PPIP5K1: variants seen among roughly 807,000 people sequenced by gnomAD.
PPIP5K1 encodes the protein diphosphoinositol pentakisphosphate kinase 1.
A neutral mutation model predicts 27.7 loss-of-function variants in PPIP5K1; 6 were observed. The observed-to-expected ratio is 0.22, with a 90% CI of 0.12 to 0.43. The LOEUF is 0.43. Ranked by LOEUF, PPIP5K1 falls within the 20% of genes least tolerant of loss-of-function variation. PPIP5K1 has a pLI of 1.00. For missense variants in PPIP5K1, 394 were observed against 635.4 expected, an observed-to-expected ratio of 0.62 and a Z score of 4.08; for synonymous variants, 145 against 242.6, an observed-to-expected ratio of 0.60 and a Z score of 3.74.
chr15:43,552,126 A>C (rs2082287180), intron 30 of PPIP5K1, among the ~76,000 whole-genome samples: 1 of 151,720 alleles, frequency 6.6e-6, no homozygotes, highest in Non-Finnish European at 1.5e-5. Flanking sequence ...GCTAATTTTA[A>C]AGTTTTTCTG....
chr15:43,535,537 CA>C (rs2079726903), intron 31 of PPIP5K1, 61 bp from the exon 32 acceptor site: 5 of 1,320,230 alleles, frequency 3.8e-6, no homozygotes, highest in Non-Finnish European at 5.2e-6. Flanking sequence ...CTACCCTGTG[CA>C]GATAGTTCAA....
intron 30 of PPIP5K1, among the ~76,000 whole-genome samples, chr15:43,553,958 T>C (rs1474123631): frequency 6.6e-6 from 1 of 152,144 alleles, no homozygotes; most frequent in African/African-American, 2.4e-5. Flanking sequence ...TCCTTACTAA[T>C]ATTCCGACGA....
chr15:43,544,159 T>C (rs558896097), intron 30 of PPIP5K1, among the ~76,000 whole-genome samples: 2 of 152,308 alleles, frequency 1.3e-5, no homozygotes, highest in African/African-American at 4.8e-5. Flanking sequence ...CCATTCCCTA[T>C]TGTTAAATCT....
At position 43,534,591 on chromosome 15, in the gene PPIP5K1, T is replaced by C. The variant is rs1595665051; in HGVS notation, c.*83A>G. Reference sequence around the variant, plus strand: ...ATGGGCTAGAGACTGGCTCTGAGGGTTTGGATCACCAGATGGATGCTGGGC... The same window carrying C: ...ATGGGCTAGAGACTGGCTCTGAGGGCTTGGATCACCAGATGGATGCTGGGC... On this transcript the variant is annotated 3_prime_UTR_variant, in exon 32 of 32. Transcript: ENST00000420765. 7.8e-7 allele frequency: 1 copy of C among 1,277,754 alleles called. No individual in the cohort carries two copies. The highest frequency in any genetic ancestry group is 1.1e-6 in the Non-Finnish European group (1 of 933,028). The allele number at this position is 1,277,754 out of a possible 1,614,324, so 79.2% of individuals were successfully genotyped here.
Position 43,534,777 on chromosome 15 carries a change from A to T in PPIP5K1, c.4370T>A (p.Ile1457Asn). 6.3e-7 allele frequency: 1 copy of T among 1,579,004 alleles called. No homozygotes were observed. The highest frequency in any genetic ancestry group is 8.6e-7 in the Non-Finnish European group (1 of 1,164,130). ...AGGGATGCCCTGAGATAACAGATTG[A>T]TCGCAGAAGTCTCCTGGGCCAGCCT... ...VGRLAQETSA[I>N]NLLSQGIPEI... The change falls in exon 32 of 32, where the codon ATC becomes AAC. Residue 1457 changes from isoleucine to asparagine, a missense_variant. By Grantham distance (149) the Ile-to-Asn change is moderately radical (BLOSUM62 -3). Transcript: ENST00000420765.
At chr15:43,546,941 G>T (rs1339746163) in intron 30 of PPIP5K1, among the ~76,000 whole-genome samples, 6 of 152,190 alleles carry the variant, frequency 3.9e-5, no homozygotes, top group Non-Finnish European at 8.8e-5. Flanking sequence ...TTACAGGCAT[G>T]AGCCACTGTG....
chr15:43,549,539 C>T (rs1228483237), intron 30 of PPIP5K1, among the ~76,000 whole-genome samples: 1 of 151,960 alleles, frequency 6.6e-6, no homozygotes, highest in Non-Finnish European at 1.5e-5. Flanking sequence ...TGTGGTCCTA[C>T]CTACTTGGGA....
rs968481549 is a variant in PPIP5K1 at position 43,550,315 on chromosome 15, T to A, written c.3556+8480A>T. ...CATGCCTGGCTAATTTATTTATTTA[T>A]TTATTTTTTTTGTAGAGAGAGTGTC... On this transcript the variant is annotated intron_variant, in intron 30 of 31. Transcript: ENST00000420765. Among the ~76,000 whole-genome samples, 4 of 150,156 alleles carry A rather than the reference T, an allele frequency of 2.7e-5. No individual in the cohort carries two copies. The South Asian group carries it at 8.3e-4, about 31-fold the overall frequency.
chr15:43,543,717 C>A (rs2081046515), intron 30 of PPIP5K1, among the ~76,000 whole-genome samples: 1 of 151,780 alleles, frequency 6.6e-6, no homozygotes, highest in East Asian at 1.9e-4. Context: ...TTTATACTTT[C>A]ATCTAATTTA....
chr15:43,534,959 G>T lies in PPIP5K1; in HGVS notation c.4188C>A (p.Cys1396Ter). ...LENSEEVSQP[C>*]QGVSVEVGKL... ...TGCCAACCTCCACAGAGACCCCCTG[G>T]CATGGCTGGCTGACCTCCTCGGAGT... is the stretch of plus-strand genomic sequence containing the variant. Residue 1396 changes from cysteine to a stop codon, truncating the protein, a stop_gained, in exon 32 of 32, where the codon TGC becomes TGA. Coordinates refer to ENST00000420765, the MANE Select transcript of PPIP5K1 (RefSeq NM_001394395.1). LOFTEE classifies it low-confidence loss of function (END_TRUNC). 1 of 1,614,062 alleles carries T rather than the reference G, an allele frequency of 6.2e-7. No individual in the cohort carries two copies. Among genetic ancestry groups the T allele is most frequent in the Non-Finnish European group, 8.5e-7 (1 of 1,179,974 alleles).
intron 30 of PPIP5K1, among the ~76,000 whole-genome samples, chr15:43,557,811 C>T (rs2141077421): frequency 6.6e-6 from 1 of 150,394 alleles, no homozygotes; most frequent in African/African-American, 2.4e-5. Context: ...ACTACAGGCA[C>T]ACACCACCAT....
At position 43,539,540 on chromosome 15, in the gene PPIP5K1, T is replaced by C. The variant is rs146823077; in HGVS notation, c.3600A>G (p.Pro1200=). The C allele has an allele frequency of 1.3e-5, 21 of 1,609,804 alleles. No individual in the cohort carries two copies. The highest frequency in any genetic ancestry group is 6.8e-6 in the Non-Finnish European group (8 of 1,178,044). ...AATGAAGAGTACGTGGTGGAGAAAA[T>C]GGGTTATCTGAGGCCTGGCTGCTGT... ...SMHSSQASDN[P]FSPPRTLHSP... Residue 1200 remains proline, a synonymous_variant, in exon 31 of 32, where the codon CCA becomes CCG. Coordinates refer to ENST00000420765, the MANE Select transcript of PPIP5K1 (RefSeq NM_001394395.1).
At chr15:43,556,750 G>A (rs991492376) in intron 30 of PPIP5K1, among the ~76,000 whole-genome samples, 1 of 152,096 alleles carries the variant, frequency 6.6e-6, no homozygotes, top group Non-Finnish European at 1.5e-5. Context: ...GGTCTTCTCC[G>A]CTCCCTCTGG....
Position 43,547,643 on chromosome 15 carries a change from TG to T in PPIP5K1, c.3557-8061del, listed in dbSNP as rs1365665172. Reference sequence around the variant, plus strand: ...CTCCATTGAATAGTTTTGACATCCTTGTTGAAAATCAACTGGCCATAGATGT... The same window carrying T: ...CTCCATTGAATAGTTTTGACATCCTTTTGAAAATCAACTGGCCATAGATGT... On this transcript the variant is annotated intron_variant, in intron 30 of 31. Transcript: ENST00000420765. 2.0e-5 allele frequency among the ~76,000 whole-genome samples: 3 copies of T among 152,256 alleles called. No homozygotes were observed. In the East Asian group the frequency reaches 5.8e-4, roughly 29 times the overall value.
intron 30 of PPIP5K1, among the ~76,000 whole-genome samples, chr15:43,549,080 T>TATATATAC (rs1489462259): frequency 2.7e-5 from 3 of 113,178 alleles, no homozygotes; most frequent in African/African-American, 6.7e-5. Flanking sequence ...TATATATATA[T>TATATATAC]ACATATATAT....
At chr15:43,543,193 G>A (rs1224071118) in intron 30 of PPIP5K1, among the ~76,000 whole-genome samples, 1 of 141,730 alleles carries the variant, frequency 7.1e-6, no homozygotes, top group Non-Finnish European at 1.5e-5. Flanking sequence ...ACAGATATAT[G>A]ATATATCTGT....
At chr15:43,543,005 C>T (rs534858594) in intron 30 of PPIP5K1, among the ~76,000 whole-genome samples, 10 of 151,974 alleles carry the variant, frequency 6.6e-5, no homozygotes, top group African/African-American at 2.4e-4. Context: ...CAAATTGTCC[C>T]AATTTTGGTC....
At chr15:43,535,989 T>C (rs1408831037) in intron 31 of PPIP5K1, 73 of 903,994 alleles carry the variant, frequency 8.1e-5, no homozygotes, top group Non-Finnish European at 1.0e-4. Flanking sequence ...GAATCTGATG[T>C]ACACCTTCTG....
chr15:43,557,177 G>A (rs1172934870), intron 30 of PPIP5K1, among the ~76,000 whole-genome samples: 1 of 152,168 alleles, frequency 6.6e-6, no homozygotes, highest in Non-Finnish European at 1.5e-5. Context: ...TGGGTGTGGT[G>A]GCTCACACCT....
Sources: gnomAD v4.1 joint callset for allele counts (sites outside exome capture counted in the v4.1 genomes callset) on GRCh38, gnomAD v4.1.1 for gene constraint, MANE v1.5 for transcripts, NCBI Gene and HGNC (gene_info 2026-07-23, HGNC 2026-07-21) for gene names.